The following ELAPOR2 variants were observed in gnomAD, a reference collection of about 807,000 sequenced individuals.
The protein encoded by ELAPOR2 is endosome-lysosome associated apoptosis and autophagy regulator family member 2.
A neutral mutation model predicts 120.7 loss-of-function variants in ELAPOR2; 89 were observed. That is an observed-to-expected ratio of 0.74 (90% CI 0.62 to 0.88). The LOEUF is 0.88. ELAPOR2 is among the 40% of genes least tolerant of loss of function. The pLI is 0.00. For missense variants in ELAPOR2, 1,134 were observed against 1,251.6 expected (o/e 0.91, Z 1.42); for synonymous variants, 444 against 444.9 (o/e 1.00, Z 0.03).
chr7:86,970,457 G>A (rs933847876), intron 1 of ELAPOR2, among the ~76,000 whole-genome samples: 3 of 152,134 alleles, frequency 2.0e-5, no homozygotes, highest in African/African-American at 7.2e-5. Context: ...CTGGGAGAAA[G>A]GCTTCCGAAT....
intron 18 of ELAPOR2, 47 bp downstream of exon 18, chr7:86,907,623 G>T: frequency 1.7e-6 from 2 of 1,187,278 alleles, no homozygotes; most frequent in Middle Eastern, 1.9e-4. Context: ...ATTCTGGAGA[G>T]TTTTTCTTCC....
intron 16 of ELAPOR2, among the ~76,000 whole-genome samples, 159 bp downstream of exon 16, chr7:86,909,653 C>T (rs1789200859): frequency 6.6e-6 from 1 of 152,028 alleles, no homozygotes; most frequent in Non-Finnish European, 1.5e-5. Flanking sequence ...CAATAGTCCC[C>T]ACTAGTAGGA....
At chr7:86,998,792 C>A (rs1793210565) in intron 1 of ELAPOR2, among the ~76,000 whole-genome samples, 1 of 151,490 alleles carries the variant, frequency 6.6e-6, no homozygotes, top group East Asian at 1.9e-4. Context: ...TTTTCATAAA[C>A]CAAATTTTTA....
intron 1 of ELAPOR2, among the ~76,000 whole-genome samples, chr7:87,030,275 T>A (rs1183864833): frequency 6.6e-6 from 1 of 152,130 alleles, no homozygotes; most frequent in African/African-American, 2.4e-5. Flanking sequence ...GACATGTCAG[T>A]CAGTCACAGT....
intron 9 of ELAPOR2, among the ~76,000 whole-genome samples, chr7:86,926,525 C>G (rs181463918): frequency 6.6e-6 from 1 of 152,066 alleles, no homozygotes; most frequent in African/African-American, 2.4e-5. Flanking sequence ...TATGCTATCT[C>G]TCAAAGGCTC....
intron 2 of ELAPOR2, among the ~76,000 whole-genome samples, chr7:86,953,276 A>G (rs1791342094): frequency 6.6e-6 from 1 of 152,202 alleles, no homozygotes; most frequent in African/African-American, 2.4e-5. Context: ...AGCTTTTCAT[A>G]GTTTAATCAT....
chr7:86,918,077 T>C (rs1789647022), intron 12 of ELAPOR2, among the ~76,000 whole-genome samples: 1 of 152,100 alleles, frequency 6.6e-6, no homozygotes, highest in African/African-American at 2.4e-5. Flanking sequence ...TACAATGTTT[T>C]TTCTTTCCGG....
At chr7:86,968,201 G>A (rs1006249043) in intron 1 of ELAPOR2, among the ~76,000 whole-genome samples, 2 of 152,114 alleles carry the variant, frequency 1.3e-5, no homozygotes, top group African/African-American at 4.8e-5. Flanking sequence ...CAGGTTTATA[G>A]GTAACACCCC....
chr7:86,941,412 C>A, intron 5 of ELAPOR2: 1 of 523,104 alleles, frequency 1.9e-6, no homozygotes, highest in South Asian at 1.4e-5. Context: ...AGTTACTTTA[C>A]TTCATGTAAC....
At chr7:86,914,359 T>G (rs1375911117) in intron 13 of ELAPOR2, among the ~76,000 whole-genome samples, 1 of 152,278 alleles carries the variant, frequency 6.6e-6, no homozygotes, top group South Asian at 2.1e-4. Context: ...TCTTAAACAT[T>G]AGATGACTCA....
chr7:86,896,524 C>T (rs572543974), intron 19 of ELAPOR2, among the ~76,000 whole-genome samples: 1 of 152,182 alleles, frequency 6.6e-6, no homozygotes, highest in Admixed American at 6.6e-5. Flanking sequence ...CTCTTCAAGA[C>T]CTTCCTGGGC....
chr7:86,979,360 T>A (rs546345551), intron 1 of ELAPOR2, among the ~76,000 whole-genome samples: 3 of 152,306 alleles, frequency 2.0e-5, no homozygotes, highest in Admixed American at 6.5e-5. Flanking sequence ...AGAGACATAG[T>A]TTAACTACAG....
At chr7:86,990,190 G>T (rs1054631068) in intron 1 of ELAPOR2, among the ~76,000 whole-genome samples, 5 of 152,072 alleles carry the variant, frequency 3.3e-5, no homozygotes, top group Non-Finnish European at 7.4e-5. Context: ...GGGACTACAG[G>T]CACCTGCCAC....
intron 18 of ELAPOR2, among the ~76,000 whole-genome samples, chr7:86,907,282 T>C (rs879204880): frequency 3.3e-5 from 5 of 152,120 alleles, no homozygotes; most frequent in Admixed American, 3.3e-4. Flanking sequence ...TTACTTAATC[T>C]TGATCACCCA....
chr7:86,965,077 A>G, intron 1 of ELAPOR2, 53 bp from the exon 2 acceptor site: 1 of 1,544,358 alleles, frequency 6.5e-7, no homozygotes, highest in Admixed American at 2.0e-5. Context: ...TAACGGGACA[A>G]CTGTGCTTTC....
intron 10 of ELAPOR2, among the ~76,000 whole-genome samples, chr7:86,922,856 T>A (rs565952605): frequency 6.6e-6 from 1 of 151,920 alleles, no homozygotes; most frequent in African/African-American, 2.4e-5. Context: ...AAAAGAGTTA[T>A]TGAGTCAAAT....
rs1040150578 is a variant in ELAPOR2, at chr7:86,904,406, G to T, written c.2558+3264C>A. On this transcript the variant is annotated intron_variant, in intron 18 of 21. Coordinates refer to ENST00000450689, the MANE Select transcript of ELAPOR2 (RefSeq NM_001142749.3). ...AAGGCTAGAGGGCCATCTATTTAGG[G>T]GCATCTATTAATATTTAGGAATATC... Among the ~76,000 whole-genome samples the T allele has an allele frequency of 2.6e-5, 4 of 152,050 alleles. No individual in the cohort carries two copies. The East Asian group carries it at 7.7e-4, about 29-fold the overall frequency.
At chr7:86,916,415 T>C (rs1473965715) in intron 12 of ELAPOR2, among the ~76,000 whole-genome samples, 3 of 151,904 alleles carry the variant, frequency 2.0e-5, no homozygotes, top group Non-Finnish European at 4.4e-5. Flanking sequence ...ACATAGGGAA[T>C]GAAAAAGTAC....
At chr7:86,975,042 A>G (rs1000740520) in intron 1 of ELAPOR2, among the ~76,000 whole-genome samples, 1 of 152,204 alleles carries the variant, frequency 6.6e-6, no homozygotes, top group Non-Finnish European at 1.5e-5. Context: ...ATTCTGCTAC[A>G]GAGTGGATAA....
Sources: gnomAD v4.1 joint callset for allele counts (sites outside exome capture counted in the v4.1 genomes callset) on GRCh38, gnomAD v4.1.1 for gene constraint, MANE v1.5 for transcripts, NCBI Gene and HGNC (gene_info 2026-07-23, HGNC 2026-07-21) for gene names.